HECTD2: variants seen among roughly 807,000 people sequenced by gnomAD.
The protein encoded by HECTD2 is HECT domain E3 ubiquitin protein ligase 2.
Under a neutral mutation model 103.2 loss-of-function variants are expected in HECTD2, and 35 were observed. The ratio of observed to expected loss-of-function variants is 0.34; its 90% CI spans 0.26 to 0.45. HECTD2 has a LOEUF of 0.45. Among genes scored for constraint, HECTD2 ranks in the 20% least tolerant of loss-of-function variants. The pLI is 1.00. For missense variants in HECTD2, 596 were observed against 937.4 expected (o/e 0.64, Z 4.76); for synonymous variants, 281 against 329.9 (o/e 0.85, Z 1.61).
Position 91,462,260 on chromosome 10 carries a change from A to C in HECTD2, c.600+76A>C, listed in dbSNP as rs1363739924. On this transcript the variant is annotated intron_variant, in intron 5 of 20. Transcript: ENST00000298068. ...CAAAAGCAGCCATACAAATATTGTA[A>C]AAATCACCTTATAATTACCTTAGAA... 3 of 1,406,566 alleles carry C rather than the reference A, an allele frequency of 2.1e-6. No homozygotes were observed. In the South Asian group the frequency reaches 4.6e-5, roughly 22 times the overall value. The allele number at this position is 1,406,566 out of a possible 1,614,324, so 87.1% of individuals were successfully genotyped here.
At chr10:91,412,694 G>A (rs982713299) in intron 1 of HECTD2, among the ~76,000 whole-genome samples, 31 of 151,542 alleles carry the variant, frequency 2.0e-4, no homozygotes, top group Admixed American at 1.3e-3. Context: ...GTGTGTGTGT[G>A]TATTTGTCAA....
chr10:91,429,318 A>G (rs1052365098), intron 2 of HECTD2, among the ~76,000 whole-genome samples: 3 of 152,082 alleles, frequency 2.0e-5, no homozygotes, highest in African/African-American at 4.8e-5. Context: ...ATGTTCATCA[A>G]GGATATTGGT....
intron 16 of HECTD2, 43 bp downstream of exon 16, chr10:91,498,225 A>C: frequency 4.6e-6 from 6 of 1,299,914 alleles, no homozygotes; most frequent in Non-Finnish European, 6.7e-6. Flanking sequence ...CATATATTTC[A>C]TATATGAACA....
intron 2 of HECTD2, among the ~76,000 whole-genome samples, chr10:91,428,690 G>C (rs1174858396): frequency 3.3e-5 from 5 of 151,592 alleles, no homozygotes; most frequent in African/African-American, 9.7e-5. Flanking sequence ...TCTGTTATTG[G>C]TGTATAAGAA....
intron 20 of HECTD2, among the ~76,000 whole-genome samples, chr10:91,505,326 G>A (rs1014527478): frequency 2.8e-4 from 42 of 151,744 alleles, no homozygotes; most frequent in African/African-American, 9.6e-4. Flanking sequence ...ACACAGACTG[G>A]CAAATTGGAT....
Position 91,514,591 on chromosome 10 carries a change from GTATT to G in HECTD2, c.*2211_*2214del, listed in dbSNP as rs1187615915. On this transcript the variant is annotated 3_prime_UTR_variant, in exon 21 of 21. Transcript: ENST00000298068. Reference sequence around the variant, plus strand: ...CCACAGTAAATTAAAGCATTACACAGTATTTATCAGTATTTTTTAAACATCCTGT... The same window carrying G: ...CCACAGTAAATTAAAGCATTACACAGTATCAGTATTTTTTAAACATCCTGT... 2 of 152,518 alleles carry G rather than the reference GTATT, an allele frequency of 1.3e-5. No homozygotes were observed. Among genetic ancestry groups the G allele is most frequent in the Admixed American group, 6.6e-5 (1 of 15,264 alleles). The allele number at this position is 152,518 out of a possible 1,614,324, so 9.4% of individuals were successfully genotyped here. A position where few individuals can be genotyped will look rare whatever the true frequency, so the allele number is the denominator to read the frequency against.
chr10:91,507,040 C>T (rs370900603), intron 20 of HECTD2, among the ~76,000 whole-genome samples: 25 of 152,198 alleles, frequency 1.6e-4, no homozygotes, highest in African/African-American at 5.5e-4. Context: ...ATTATCTCAA[C>T]AGATGCAGAA....
At chr10:91,505,860 C>T in intron 20 of HECTD2, among the ~76,000 whole-genome samples, 1 of 151,892 alleles carries the variant, frequency 6.6e-6, no homozygotes. Context: ...CAAAATTGAC[C>T]ACATACTTGG....
Position 91,410,465 on chromosome 10 carries a change from G to T in HECTD2, c.27G>T (p.Ser9=), listed in dbSNP as rs1465945011. Residue 9 remains serine (S), a synonymous_variant, in exon 1 of 21, where the codon TCG becomes TCT. Coordinates refer to ENST00000298068, the MANE Select transcript of HECTD2 (RefSeq NM_182765.6). Reference sequence around the variant, plus strand: ...TGAGTGAGGCGGTTCGGGTACCCTCGCCCGCCACTCCGCTGGTGGTGGCGG... The same window carrying T: ...TGAGTGAGGCGGTTCGGGTACCCTCTCCCGCCACTCCGCTGGTGGTGGCGG... MSEAVRVP[S]PATPLVVAAP... is the part of the protein sequence containing the mutation. 17 of 1,456,234 alleles carry T rather than the reference G, an allele frequency of 1.2e-5. No homozygotes were observed. Among genetic ancestry groups the T allele is most frequent in the Non-Finnish European group, 1.4e-5 (15 of 1,108,184 alleles). The allele number at this position is 1,456,234 out of a possible 1,614,324, so 90.2% of individuals were successfully genotyped here. A position where few individuals can be genotyped will look rare whatever the true frequency, so the allele number is the denominator to read the frequency against.
intron 2 of HECTD2, among the ~76,000 whole-genome samples, chr10:91,449,180 C>T (rs563029226): frequency 2.0e-5 from 3 of 152,118 alleles, no homozygotes; most frequent in Non-Finnish European, 2.9e-5. Flanking sequence ...TCATCTACCA[C>T]GTGAGAGAAC....
At chr10:91,488,949 C>G (rs960941486) in intron 11 of HECTD2, 10 of 152,156 alleles carry the variant, frequency 6.6e-5, no homozygotes. Flanking sequence ...TGTATAGCTA[C>G]TCATTCTGAC....
At chr10:91,438,046 TGAA>T (rs1427453477) in intron 2 of HECTD2, among the ~76,000 whole-genome samples, 1 of 152,008 alleles carries the variant, frequency 6.6e-6, no homozygotes, top group African/African-American at 2.4e-5. Context: ...AGGTAGACCT[TGAA>T]GTTCTTTTTT....
At chr10:91,477,734 T>A (rs1845959354) in intron 5 of HECTD2, among the ~76,000 whole-genome samples, 2 of 152,198 alleles carry the variant, frequency 1.3e-5, no homozygotes, top group Admixed American at 1.3e-4. Flanking sequence ...TAATGAAGCT[T>A]CTATTCTCTT....
At chr10:91,461,110 A>C in intron 3 of HECTD2, 144 bp from the exon 4 acceptor site, 1 of 449,734 alleles carries the variant, frequency 2.2e-6, no homozygotes, top group Non-Finnish European at 4.0e-6. Context: ...AGAATTATAA[A>C]TCCATAAACT....
chr10:91,484,380 T>C (rs770629559), intron 8 of HECTD2, 127 bp from the exon 9 acceptor site: 1 of 1,444,306 alleles, frequency 6.9e-7, no homozygotes. Context: ...GTTTGGCAAT[T>C]TAAGAAATAG....
rs1218752971 is a variant in HECTD2 at position 91,410,554 on chromosome 10, C to T, written c.116C>T (p.Ser39Leu). The T allele has an allele frequency of 6.3e-6, 9 of 1,439,204 alleles. No homozygotes were observed. The South Asian group carries it at 9.7e-5, about 15-fold the overall frequency. The allele number at this position is 1,439,204 out of a possible 1,614,324, so 89.2% of individuals were successfully genotyped here. A position where few individuals can be genotyped will look rare whatever the true frequency, so the allele number is the denominator to read the frequency against. Residue 39 changes from serine (S) to leucine (L), a missense_variant, in exon 1 of 21, where the codon TCG becomes TTG. By Grantham distance (145) the Ser-to-Leu change is moderately radical. Transcript: ENST00000298068. ...SEREKLPPIV[S>L]AGAGATAGLD... is the part of the protein sequence containing the mutation. ...CGCGAGAAGCTGCCGCCCATCGTAT[C>T]GGCGGGCGCCGGCGCGACCGCGGTA...
intron 6 of HECTD2, 49 bp downstream of exon 6, chr10:91,478,314 T>C: frequency 9.1e-7 from 1 of 1,093,384 alleles, no homozygotes. Flanking sequence ...ATGTCTAACT[T>C]ACACATCATA....
chr10:91,507,244 T>C (rs1437989302), intron 20 of HECTD2, among the ~76,000 whole-genome samples: 1 of 150,984 alleles, frequency 6.6e-6, no homozygotes, highest in African/African-American at 2.4e-5. Flanking sequence ...TCACCACTCC[T>C]ATTCAACATA....
chr10:91,461,637 C>T (rs937944539), intron 4 of HECTD2, among the ~76,000 whole-genome samples: 3 of 152,072 alleles, frequency 2.0e-5, no homozygotes, highest in African/African-American at 4.8e-5. Context: ...CAACCTCTGC[C>T]TCCTGGGTTC....
Sources: allele counts gnomAD v4.1 joint callset (sites outside exome capture counted in the v4.1 genomes callset), GRCh38; gene constraint gnomAD v4.1.1; transcripts MANE v1.5; gene names NCBI Gene and HGNC (gene_info 2026-07-23, HGNC 2026-07-21).